The following LRP1B variants were observed in gnomAD, a reference collection of about 807,000 sequenced individuals.
The protein encoded by LRP1B is low-density lipoprotein receptor-related protein 1B.
LRP1B carries 217 observed loss-of-function variants against 556.6 expected under a neutral mutation model. The observed-to-expected ratio is 0.39, with a 90% CI of 0.35 to 0.44. The LOEUF (loss-of-function observed/expected upper bound fraction) is 0.44. Among genes scored for constraint, LRP1B ranks in the 20% least tolerant of loss-of-function variants. LRP1B has a pLI of 1.00. For missense variants in LRP1B, 5,053 were observed against 5,620.8 expected (o/e 0.90, Z 3.23); for synonymous variants, 2,047 against 1,865.8 (o/e 1.10, Z -2.50).
At chr2:141,463,569 ATATTATATATAATTATATATAATATATAT>A in intron 3 of LRP1B, among the ~76,000 whole-genome samples, 2 of 78,462 alleles carry the variant, frequency 2.5e-5, no homozygotes, top group South Asian at 3.8e-4. Context: ...TATATATTAT[ATATTATATATAATTATATATAATATATAT>A]TATATATTAT....
In LRP1B at chr2:140,966,724, G is replaced by T. The variant is rs536848503; in HGVS notation, c.2888-14784C>A. Reference sequence around the variant, plus strand: ...CCTCTTGAATTAATTTTTTTATAAGGTGTAAGGAAGGGATCCCGTTTCAGC... The same window carrying T: ...CCTCTTGAATTAATTTTTTTATAAGTTGTAAGGAAGGGATCCCGTTTCAGC... On this transcript the variant is annotated intron_variant, in intron 18 of 90. Transcript: ENST00000389484. Among the ~76,000 whole-genome samples, 58 of 152,210 alleles carry T rather than the reference G, an allele frequency of 3.8e-4. 1 individual carries two copies. Among genetic ancestry groups the T allele is most frequent in the African/African-American group, 1.3e-3 (52 of 41,516 alleles).
At chr2:140,883,630 A>G (rs1693543331) in intron 25 of LRP1B, among the ~76,000 whole-genome samples, 187 bp downstream of exon 25, 1 of 151,858 alleles carries the variant, frequency 6.6e-6, no homozygotes, top group African/African-American at 2.4e-5. Flanking sequence ...AACTTGTGGT[A>G]ATAAACTAGT....
At chr2:140,522,907 A>G (rs1690246091) in intron 49 of LRP1B, among the ~76,000 whole-genome samples, 1 of 152,000 alleles carries the variant, frequency 6.6e-6, no homozygotes, top group Non-Finnish European at 1.5e-5. Flanking sequence ...AAAAATATAC[A>G]AATAAAAAAA....
chr2:140,562,236 C>G (rs1680957627), intron 43 of LRP1B, among the ~76,000 whole-genome samples: 1 of 152,048 alleles, frequency 6.6e-6, no homozygotes, highest in African/African-American at 2.4e-5. Context: ...TTTTAAAAGA[C>G]AGCTGCAGAT....
intron 12 of LRP1B, among the ~76,000 whole-genome samples, chr2:141,016,925 G>A (rs569865765): frequency 9.2e-5 from 14 of 152,124 alleles, no homozygotes; most frequent in African/African-American, 3.1e-4. Context: ...TCACCATGAC[G>A]AAAAATCCTA....
In LRP1B at chr2:140,805,098, C is replaced by G. The variant is rs540053684; in HGVS notation, c.5359+8559G>C. Among the ~76,000 whole-genome samples the G allele has an allele frequency of 2.0e-5, 3 of 152,128 alleles. No homozygotes were observed. The South Asian group carries it at 6.2e-4, about 32-fold the overall frequency. On this transcript the variant is annotated intron_variant, in intron 32 of 90. Coordinates refer to ENST00000389484, the MANE Select transcript of LRP1B (RefSeq NM_018557.3). ...TGTGTGCATAACCAGATCAACAGAG[C>G]CAATGTTTTTCTGATTATTAGACTG...
chr2:141,341,645 T>C (rs556216220), intron 3 of LRP1B, among the ~76,000 whole-genome samples: 2 of 152,340 alleles, frequency 1.3e-5, no homozygotes, highest in African/African-American at 4.8e-5. Flanking sequence ...TCCTTGTACT[T>C]AAGTAGGGAC....
At chr2:140,542,993 T>C (rs1363770905) in intron 43 of LRP1B, among the ~76,000 whole-genome samples, 1 of 152,124 alleles carries the variant, frequency 6.6e-6, no homozygotes, top group Non-Finnish European at 1.5e-5. Context: ...AAATATTTAA[T>C]TCAAATTCTA....
intron 20 of LRP1B, among the ~76,000 whole-genome samples, chr2:140,933,580 C>T (rs1309317081): frequency 1.3e-5 from 2 of 152,046 alleles, no homozygotes; most frequent in Non-Finnish European, 2.9e-5. Flanking sequence ...TGAGGTTCTT[C>T]ATTAAAATTA....
In LRP1B at chr2:142,108,745, G is replaced by A. The variant is rs112052138; in HGVS notation, c.82+21903C>T. On this transcript the variant is annotated intron_variant, in intron 1 of 90. Transcript: ENST00000389484. ...GGATTTTTAAAATTATTTTTCAAGC[G>A]TGCTCTTTAATTTGCCATTAGTACA... Among the ~76,000 whole-genome samples, 67 of 152,144 alleles carry A rather than the reference G, an allele frequency of 4.4e-4. 2 individuals are homozygous for A. The highest frequency in any genetic ancestry group is 1.9e-3 in the South Asian group (9 of 4,822).
At chr2:141,431,514 T>A (rs775260624) in intron 3 of LRP1B, among the ~76,000 whole-genome samples, 1 of 152,160 alleles carries the variant, frequency 6.6e-6, no homozygotes, top group Non-Finnish European at 1.5e-5. Context: ...TGCTGGTTAA[T>A]TTTTGCAGAA....
chr2:141,963,071 T>A (rs1192220849), intron 1 of LRP1B, among the ~76,000 whole-genome samples: 4 of 151,664 alleles, frequency 2.6e-5, no homozygotes, highest in Non-Finnish European at 5.9e-5. Flanking sequence ...CACAAGAGGG[T>A]TTTTTCTATC....
chr2:141,288,249 ATTTGTTTTCAAC>A (rs953383568), intron 3 of LRP1B, among the ~76,000 whole-genome samples: 2 of 147,234 alleles, frequency 1.4e-5, no homozygotes. Flanking sequence ...AAAAAAAAAA[ATTTGTTTTCAAC>A]TGTCCTTTGT....
At chr2:140,521,030 C>A (rs1690148706) in intron 49 of LRP1B, among the ~76,000 whole-genome samples, 1 of 151,376 alleles carries the variant, frequency 6.6e-6, no homozygotes, top group Non-Finnish European at 1.5e-5. Flanking sequence ...ATGAACAAAG[C>A]TTTTGAGAAA....
intron 1 of LRP1B, among the ~76,000 whole-genome samples, chr2:141,899,999 T>C (rs757304352): frequency 1.3e-5 from 2 of 152,174 alleles, no homozygotes; most frequent in African/African-American, 4.8e-5. Context: ...GTGATAATAC[T>C]TGAGCAGATG....
At chr2:141,913,974 C>T (rs1277096264) in intron 1 of LRP1B, among the ~76,000 whole-genome samples, 2 of 152,082 alleles carry the variant, frequency 1.3e-5, no homozygotes, top group African/African-American at 2.4e-5. Context: ...TCTCGATCTC[C>T]TGACCTCATG....
At chr2:141,533,410 T>C (rs1684959736) in intron 2 of LRP1B, among the ~76,000 whole-genome samples, 1 of 152,170 alleles carries the variant, frequency 6.6e-6, no homozygotes, top group Non-Finnish European at 1.5e-5. Flanking sequence ...CTCACATCTT[T>C]TCATGAGAAC....
rs544837305 is a variant in LRP1B at position 141,280,451 on chromosome 2, C to G, written c.344-25810G>C. ...AACTAAACAAGTAAATAAAAAATTA[C>G]AAGAAACAACATATAAGCTATTAAG... On this transcript the variant is annotated intron_variant, in intron 3 of 90. Transcript: ENST00000389484. 6.6e-4 allele frequency among the ~76,000 whole-genome samples: 101 copies of G among 152,008 alleles called. 1 individual carries two copies. The highest frequency in any genetic ancestry group is 6.2e-4 in the South Asian group (3 of 4,818).
At chr2:142,121,172 A>G (rs1044577606) in intron 1 of LRP1B, among the ~76,000 whole-genome samples, 1 of 152,166 alleles carries the variant, frequency 6.6e-6, no homozygotes, top group Non-Finnish European at 1.5e-5. Context: ...CGTTATTGCC[A>G]CTACTACTCC....
Sources: gnomAD v4.1 joint callset for allele counts (sites outside exome capture counted in the v4.1 genomes callset) on GRCh38, gnomAD v4.1.1 for gene constraint, MANE v1.5 for transcripts, NCBI Gene and HGNC (gene_info 2026-07-23, HGNC 2026-07-21) for gene names.